Variants in AXL observed in about 807,000 individuals in gnomAD.
AXL encodes the protein tyrosine-protein kinase receptor UFO.
A neutral mutation model predicts 104.5 loss-of-function variants in AXL; 52 were observed. The observed-to-expected ratio is 0.50, with a 90% confidence interval of 0.40 to 0.63. The LOEUF is 0.63. AXL is among the 20% of genes least tolerant of loss of function. The probability of loss-of-function intolerance (pLI) is 0.00; values close to 1 mark genes in which losing one functional copy is unlikely to be tolerated. For synonymous variants in AXL, 455 were observed against 473.7 expected, an observed-to-expected ratio of 0.96 and a Z score of 0.51; for missense variants, 1,024 against 1,188.5, an observed-to-expected ratio of 0.86 and a Z score of 2.04.
intron 8 of AXL, 94 bp downstream of exon 8, chr19:41,238,703 G>A (rs2122236182): frequency 6.8e-7 from 1 of 1,460,290 alleles, no homozygotes; most frequent in East Asian, 2.4e-5. Flanking sequence ...AGGTTGGGTA[G>A]TACACAATTG....
chr19:41,228,189 G>A (rs2033916421), intron 4 of AXL, among the ~76,000 whole-genome samples: 1 of 152,080 alleles, frequency 6.6e-6, no homozygotes, highest in Non-Finnish European at 1.5e-5. Context: ...GCTTCTGTGT[G>A]TGCACGCTGG....
At chr19:41,255,348 CTTCT>C (rs201908816) in intron 17 of AXL, among the ~76,000 whole-genome samples, 34,698 of 149,534 alleles carry the variant, frequency 0.23, 4,220 homozygotes, top group East Asian at 0.29. Context: ...TCTGTCCTTT[CTTCT>C]TTCTTTTCTT....
At position 41,220,774 on chromosome 19, in the gene AXL, T is replaced by C. The variant is rs780211796; in HGVS notation, c.224T>C (p.Ile75Thr). 6.7e-5 allele frequency: 108 copies of C among 1,613,952 alleles called. No individual in the cohort carries two copies. The highest frequency in any genetic ancestry group is 9.0e-5 in the Non-Finnish European group (106 of 1,179,998). The change falls in exon 2 of 20, where the codon ATC (isoleucine) becomes ACC (threonine). Residue 75 changes from isoleucine to threonine, a missense_variant. By Grantham distance (89) the Ile-to-Thr change is moderately conservative. Transcript: ENST00000301178. ...PEVHWLRDGQILELADSTQTQ... is the reference protein window; with the variant it reads ...PEVHWLRDGQTLELADSTQTQ... Reference sequence around the variant, plus strand: ...GTACATTGGCTTCGGGATGGACAGATCCTGGAGCTCGCGGACAGCACCCAG... The same window carrying C: ...GTACATTGGCTTCGGGATGGACAGACCCTGGAGCTCGCGGACAGCACCCAG...
At chr19:41,249,649 G>A (rs187573687) in intron 14 of AXL, among the ~76,000 whole-genome samples, 1 of 152,060 alleles carries the variant, frequency 6.6e-6, no homozygotes, top group East Asian at 1.9e-4. Flanking sequence ...CCAGCTACTC[G>A]GGAGGCTGAG....
chr19:41,228,235 A>G (rs2033917498), intron 4 of AXL, among the ~76,000 whole-genome samples: 1 of 152,040 alleles, frequency 6.6e-6, no homozygotes, highest in Non-Finnish European at 1.5e-5. Context: ...TTAGGGAGGG[A>G]AGGCAATCCA....
chr19:41,243,667 C>T lies in AXL; in HGVS notation c.1497C>T (p.Arg499=), dbSNP rs202071701. 22 of 1,614,060 alleles carry T rather than the reference C, an allele frequency of 1.4e-5. No homozygotes were observed. The East Asian group carries it at 4.5e-4, about 33-fold the overall frequency. The change falls in exon 12 of 20, where the codon CGC becomes CGT. Residue 499 remains arginine (R), a synonymous_variant. Coordinates refer to ENST00000301178, the MANE Select transcript of AXL (RefSeq NM_021913.5). The part of the protein sequence containing the change: ...VERGELVVRY[R]VRKSYSRRTT... ...GAGGTGAACTGGTAGTCAGGTACCG[C>T]GTGCGCAAGTCCTACAGTCGTCGGA...
At chr19:41,239,075 G>T in intron 8 of AXL, 89 bp from the exon 9 acceptor site, 2 of 1,490,086 alleles carry the variant, frequency 1.3e-6, no homozygotes, top group Non-Finnish European at 1.8e-6. Context: ...AGAGCGTTTT[G>T]AGAAAGAGAT....
At chr19:41,221,651 G>T (rs2033792878) in intron 3 of AXL, 7 of 555,748 alleles carry the variant, frequency 1.3e-5, no homozygotes, top group Non-Finnish European at 2.2e-5. Flanking sequence ...CATTCTGGAA[G>T]AGAGACATGA....
intron 6 of AXL, among the ~76,000 whole-genome samples, chr19:41,236,245 ATTAC>A (rs1568412216): frequency 6.6e-6 from 1 of 151,218 alleles, no homozygotes; most frequent in Non-Finnish European, 1.5e-5. Flanking sequence ...AAGCAGAAGA[ATTAC>A]TTGAGCCCAG....
In AXL at chr19:41,259,838, C is replaced by G. The variant is rs199598417; in HGVS notation, c.2619C>G (p.Thr873=). 6.2e-7 allele frequency: 1 copy of G among 1,612,692 alleles called. No individual in the cohort carries two copies. The highest frequency in any genetic ancestry group is 8.5e-7 in the Non-Finnish European group (1 of 1,179,228). The change falls in exon 20 of 20, where the codon ACC becomes ACG. Residue 873 remains threonine (T), a synonymous_variant. Coordinates refer to ENST00000301178, the MANE Select transcript of AXL (RefSeq NM_021913.5). ...GCTATGTCCTCTGCCCTTCCACAAC[C>G]CCTAGCCCCGCTCAGCCTGCTGATA... ...AGRYVLCPST[T]PSPAQPADRG...
chr19:41,222,228 T>C (rs2033804127), intron 4 of AXL, among the ~76,000 whole-genome samples, 172 bp downstream of exon 4: 1 of 152,140 alleles, frequency 6.6e-6, no homozygotes, highest in African/African-American at 2.4e-5. Flanking sequence ...TCTCTACCTA[T>C]CTTATTTCTC....
At chr19:41,241,369 A>G (rs1247877890) in intron 10 of AXL, among the ~76,000 whole-genome samples, 1 of 151,660 alleles carries the variant, frequency 6.6e-6, no homozygotes, top group Non-Finnish European at 1.5e-5. Flanking sequence ...ATTGGCGAAA[A>G]CCCATCTCTA....
intron 4 of AXL, among the ~76,000 whole-genome samples, chr19:41,224,114 T>C (rs934152051): frequency 3.9e-5 from 6 of 152,120 alleles, no homozygotes; most frequent in Non-Finnish European, 7.4e-5. Context: ...GTGCGCATGA[T>C]GGAGTGTACC....
At position 41,230,966 on chromosome 19, in the gene AXL, G is replaced by A. The variant is rs1429520274; in HGVS notation, c.587-1G>A. On this transcript the variant is annotated splice_acceptor_variant, in intron 4 of 19. Transcript: ENST00000301178. LOFTEE classifies it high-confidence loss of function. Reference sequence around the variant, plus strand: ...GACCCTTCCCTCATATGACTCCCTAGGGCTGAACAAGACATCCTCTTTCTC... The same window carrying A: ...GACCCTTCCCTCATATGACTCCCTAAGGCTGAACAAGACATCCTCTTTCTC... 3 of 1,613,616 alleles carry A rather than the reference G, an allele frequency of 1.9e-6. No homozygotes were observed. The highest frequency in any genetic ancestry group is 2.5e-6 in the Non-Finnish European group (3 of 1,179,856).
chr19:41,232,577 C>G (rs754459023), intron 6 of AXL, among the ~76,000 whole-genome samples: 1 of 151,522 alleles, frequency 6.6e-6, no homozygotes, highest in Non-Finnish European at 1.5e-5. Flanking sequence ...GAGCCGAGAT[C>G]GTGCCATTGC....
chr19:41,232,384 G>A (rs1168558321), intron 6 of AXL, among the ~76,000 whole-genome samples: 1 of 152,184 alleles, frequency 6.6e-6, no homozygotes, highest in Admixed American at 6.5e-5. Context: ...CACTTTGGGA[G>A]GCCAAGGCTG....
chr19:41,251,240 C>T (rs1056110472), intron 14 of AXL, among the ~76,000 whole-genome samples: 3 of 151,904 alleles, frequency 2.0e-5, no homozygotes, highest in African/African-American at 7.3e-5. Flanking sequence ...GAGTTTGAGA[C>T]CAGCCTGGAC....
chr19:41,221,397 T>C (rs1243158125), intron 3 of AXL, 151 bp downstream of exon 3: 1 of 657,506 alleles, frequency 1.5e-6, no homozygotes, highest in Non-Finnish European at 2.5e-6. Flanking sequence ...TGTCAGAGTT[T>C]TGGGTGGTCA....
At chr19:41,227,170 G>A (rs535679001) in intron 4 of AXL, among the ~76,000 whole-genome samples, 1 of 152,138 alleles carries the variant, frequency 6.6e-6, no homozygotes, top group Non-Finnish European at 1.5e-5. Context: ...TGGGGGAGGG[G>A]GGTGTCTATG....
Sources: allele counts gnomAD v4.1 joint callset (sites outside exome capture counted in the v4.1 genomes callset), GRCh38; gene constraint gnomAD v4.1.1; transcripts MANE v1.5; gene names NCBI Gene and HGNC (gene_info 2026-07-23, HGNC 2026-07-21).